The following STAC variants were observed in gnomAD, a reference collection of about 807,000 sequenced individuals.
The protein encoded by STAC is SH3 and cysteine rich domain.
A neutral mutation model predicts 48.8 loss-of-function variants in STAC; 43 were observed. That is an observed-to-expected ratio of 0.88 (90% CI 0.69 to 1.14). The LOEUF is 1.14. Ranked by LOEUF, STAC falls within the 50% of genes most tolerant of loss-of-function variation. The probability of loss-of-function intolerance (pLI) is 0.00; values close to 1 mark genes in which losing one functional copy is unlikely to be tolerated. For synonymous variants in STAC, 193 were observed against 179.5 expected (o/e 1.07, Z -0.60); for missense variants, 497 against 504.0 (o/e 0.99, Z 0.13).
intron 2 of STAC, among the ~76,000 whole-genome samples, chr3:36,458,388 T>G (rs929993981): frequency 4.6e-5 from 7 of 152,244 alleles, no homozygotes; most frequent in African/African-American, 1.4e-4. Flanking sequence ...ACTCCAAATA[T>G]CAAGCTCTTT....
chr3:36,427,779 A>G (rs980967366), intron 1 of STAC, among the ~76,000 whole-genome samples: 3 of 152,220 alleles, frequency 2.0e-5, no homozygotes, highest in African/African-American at 7.2e-5. Context: ...TATTCAACAA[A>G]GAAACAAATA....
chr3:36,380,770 G>A lies in STAC; in HGVS notation c.111+16G>A. ...GGAATCCAAGGTACCGAGCACGCTT[G>A]CCCCCAAGAGAACACAAACTCACTC... On this transcript the variant is annotated intron_variant, in intron 1 of 10. Coordinates refer to ENST00000273183, the MANE Select transcript of STAC (RefSeq NM_003149.3). 1 of 1,589,512 alleles carries A rather than the reference G, an allele frequency of 6.3e-7. No homozygotes were observed. The highest frequency in any genetic ancestry group is 8.6e-7 in the Non-Finnish European group (1 of 1,163,026).
At chr3:36,402,390 G>A (rs1320639500) in intron 1 of STAC, among the ~76,000 whole-genome samples, 1 of 150,814 alleles carries the variant, frequency 6.6e-6, no homozygotes, top group East Asian at 1.9e-4. Context: ...AGCATGTGCT[G>A]GACAGTTACT....
At chr3:36,506,433 A>C (rs1002039516) in intron 8 of STAC, among the ~76,000 whole-genome samples, 10 of 152,056 alleles carry the variant, frequency 6.6e-5, no homozygotes, top group African/African-American at 2.4e-4. Context: ...TTCTATATGA[A>C]CTTTAAAGTA....
rs111403865 is a variant in STAC, at chr3:36,443,560, C to T, written c.308C>T (p.Pro103Leu). Reference sequence around the variant, plus strand: ...ACACCCGCCAGGGCTGGTCTGCATCCAGGTGGCAAGGCTCATGCCTTTCAG... The same window carrying T: ...ACACCCGCCAGGGCTGGTCTGCATCTAGGTGGCAAGGCTCATGCCTTTCAG... Reference protein sequence around the residue: ...TSTPARAGLHPGGKAHAFQEY... With the variant: ...TSTPARAGLHLGGKAHAFQEY... Residue 103 changes from proline (P) to leucine (L), a missense_variant, in exon 2 of 11, where the codon CCA becomes CTA. By Grantham distance (98) the Pro-to-Leu change is moderately conservative. Transcript: ENST00000273183. The surrounding 1 kb of genome is among the most constrained non-coding windows in gnomAD (Gnocchi z 4.2). 54 of 1,614,202 alleles carry T rather than the reference C, an allele frequency of 3.3e-5. No homozygotes were observed. The African/African-American group carries it at 5.3e-4, about 16-fold the overall frequency.
intron 1 of STAC, among the ~76,000 whole-genome samples, chr3:36,404,799 T>C (rs1215750246): frequency 6.6e-6 from 1 of 152,062 alleles, no homozygotes; most frequent in Non-Finnish European, 1.5e-5. Context: ...TGTTAGTAAG[T>C]TCACAGAAAT....
At chr3:36,438,972 T>C (rs1316850702) in intron 1 of STAC, among the ~76,000 whole-genome samples, 1 of 152,112 alleles carries the variant, frequency 6.6e-6, no homozygotes, top group Non-Finnish European at 1.5e-5. Context: ...ATGAAAGAAA[T>C]AGTTCCCCAA....
At chr3:36,410,051 CTG>C (rs1447033584) in intron 1 of STAC, among the ~76,000 whole-genome samples, 3 of 152,150 alleles carry the variant, frequency 2.0e-5, no homozygotes, top group Non-Finnish European at 4.4e-5. Flanking sequence ...ATTCATCCCA[CTG>C]TGAGCCATGG....
At chr3:36,397,279 G>A (rs761249707) in intron 1 of STAC, among the ~76,000 whole-genome samples, 1 of 152,076 alleles carries the variant, frequency 6.6e-6, no homozygotes, top group Non-Finnish European at 1.5e-5. Flanking sequence ...AAAGTTGCTG[G>A]TACTGACTTA....
chr3:36,490,231 T>C (rs1697931352), intron 5 of STAC, among the ~76,000 whole-genome samples: 1 of 152,144 alleles, frequency 6.6e-6, no homozygotes, highest in Non-Finnish European at 1.5e-5. Flanking sequence ...ATGCTAATCA[T>C]CTCCCTAACC....
intron 10 of STAC, 40 bp downstream of exon 10, chr3:36,529,025 A>T: frequency 6.5e-7 from 1 of 1,540,560 alleles, no homozygotes; most frequent in Non-Finnish European, 8.8e-7. Context: ...TATGAGCCAA[A>T]TAGGGTGTCA....
chr3:36,520,730 C>T (rs1698780333), intron 8 of STAC, among the ~76,000 whole-genome samples: 1 of 152,224 alleles, frequency 6.6e-6, no homozygotes, highest in African/African-American at 2.4e-5. Flanking sequence ...TCTGATGCTG[C>T]ACTATGTCAA....
chr3:36,467,665 T>C (rs569521907), intron 2 of STAC, among the ~76,000 whole-genome samples: 1 of 152,256 alleles, frequency 6.6e-6, no homozygotes, highest in South Asian at 2.1e-4. Context: ...TAATCTTTTG[T>C]ATTTCTGTGG....
At chr3:36,468,016 C>T (rs576323535) in intron 2 of STAC, among the ~76,000 whole-genome samples, 1 of 152,186 alleles carries the variant, frequency 6.6e-6, no homozygotes, top group South Asian at 2.1e-4. Flanking sequence ...ACCACTTTTG[C>T]TGTATCCCAG....
rs1217081881 is a variant in STAC, at chr3:36,449,209, C to G, written c.388+5569C>G. On this transcript the variant is annotated intron_variant, in intron 2 of 10. Transcript: ENST00000273183. ...TGGAAAATGCTGTCTAGCCTACCCC[C>G]TTTGGATATTCACAGCACACATTAG... Among the ~76,000 whole-genome samples, 2 of 152,142 alleles carry G rather than the reference C, an allele frequency of 1.3e-5. 1 individual carries two copies. Among genetic ancestry groups the G allele is most frequent in the Non-Finnish European group, 2.9e-5 (2 of 68,024 alleles).
intron 2 of STAC, among the ~76,000 whole-genome samples, chr3:36,455,068 G>A (rs1446116627): frequency 6.6e-6 from 1 of 152,206 alleles, no homozygotes; most frequent in Non-Finnish European, 1.5e-5. Context: ...TAATAGACCA[G>A]AAAGGGGAGA....
intron 8 of STAC, among the ~76,000 whole-genome samples, chr3:36,522,177 G>A (rs989943358): frequency 6.6e-6 from 1 of 152,110 alleles, no homozygotes; most frequent in Admixed American, 6.6e-5. Context: ...AAATATAATT[G>A]AGATAGCCAA....
rs1559533716 is a variant in STAC, at chr3:36,546,357, C to T, written c.*68C>T. On this transcript the variant is annotated 3_prime_UTR_variant, in exon 11 of 11. Transcript: ENST00000273183. ...GATGCCTCTGCCTCATCTCACACTG[C>T]GTCAACCCAAAGGAGCTGCCGCACT... The T allele has an allele frequency of 5.7e-6, 8 of 1,404,146 alleles. No individual in the cohort carries two copies. The Admixed American group carries it at 6.7e-5, about 12-fold the overall frequency. 87.0% of individuals were successfully genotyped at this position (1,404,146 alleles called of 1,614,324 possible). A position where few individuals can be genotyped will look rare whatever the true frequency, so the allele number is the denominator to read the frequency against.
Position 36,504,431 on chromosome 3 carries a change from G to T in STAC, c.805G>T (p.Asp269Tyr). ...AGAAAATGGCACTGATGATTTCAGA[G>T]ATCCAGCGAAGAACATAAACCACCA... ...YPENGTDDFR[D>Y]PAKNINHQGS... The change falls in exon 7 of 11, where the codon GAT becomes TAT. Residue 269 changes from aspartate to tyrosine, a missense_variant. By Grantham distance (160) the Asp-to-Tyr change is radical. Transcript: ENST00000273183. 1 of 1,613,572 alleles carries T rather than the reference G, an allele frequency of 6.2e-7. No homozygotes were observed. Among genetic ancestry groups the T allele is most frequent in the Non-Finnish European group, 8.5e-7 (1 of 1,179,706 alleles).
Sources: allele counts gnomAD v4.1 joint callset (sites outside exome capture counted in the v4.1 genomes callset), GRCh38; gene constraint gnomAD v4.1.1; non-coding constraint Gnocchi (gnomAD v3.1); transcripts MANE v1.5; gene names NCBI Gene and HGNC (gene_info 2026-07-23, HGNC 2026-07-21).